The following ERICH1 variants were observed in gnomAD, a reference collection of about 807,000 sequenced individuals.
ERICH1 encodes the protein glutamate-rich protein 1.
Under a neutral mutation model 39.6 loss-of-function variants are expected in ERICH1, and 56 were observed. The observed-to-expected ratio is 1.41, with a 90% confidence interval of 1.14 to 1.77. ERICH1 has a LOEUF of 1.77. Among genes scored for constraint, ERICH1 ranks in the 40% most tolerant of loss-of-function variants. The probability of loss-of-function intolerance (pLI) is 0.00; values close to 1 mark genes in which losing one functional copy is unlikely to be tolerated. For synonymous variants in ERICH1, 313 were observed against 223.6 expected (o/e 1.40, Z -3.57); for missense variants, 826 against 575.4 (o/e 1.44, Z -4.45).
chr8:696,584 C>T (rs1390773167), intron 2 of ERICH1, among the ~76,000 whole-genome samples: 2 of 65,722 alleles, frequency 3.0e-5, no homozygotes, highest in Admixed American at 1.8e-4. Context: ...TGTACTCGCT[C>T]CTCTTACCCT....
intron 3 of ERICH1, among the ~76,000 whole-genome samples, chr8:691,592 T>G (rs1238564094): frequency 6.6e-6 from 1 of 152,236 alleles, no homozygotes; most frequent in Admixed American, 6.5e-5. Flanking sequence ...GAACGCACAT[T>G]TTCTAGTTAA....
intron 1 of ERICH1, among the ~76,000 whole-genome samples, chr8:717,749 G>T (rs115473729): frequency 6.6e-6 from 1 of 152,216 alleles, no homozygotes; most frequent in Non-Finnish European, 1.5e-5. Flanking sequence ...GGCTGAAGTC[G>T]CCTCCCCAGG....
intron 3 of ERICH1, among the ~76,000 whole-genome samples, chr8:685,768 T>G (rs1333619623): frequency 6.6e-6 from 1 of 152,212 alleles, no homozygotes; most frequent in African/African-American, 2.4e-5. Context: ...TTCAAGAGTC[T>G]TTCTTCATTA....
chr8:690,569 G>A (rs1484359036), intron 3 of ERICH1, among the ~76,000 whole-genome samples: 1 of 152,266 alleles, frequency 6.6e-6, no homozygotes, highest in Non-Finnish European at 1.5e-5. Flanking sequence ...CCAAGTCTCA[G>A]AGGCCGGGCA....
chr8:688,859 A>G (rs1158227003), intron 3 of ERICH1, among the ~76,000 whole-genome samples: 2 of 152,250 alleles, frequency 1.3e-5, no homozygotes, highest in Admixed American at 1.3e-4. Context: ...CATAAGAACA[A>G]AATATTTTTC....
At chr8:681,848 A>C (rs1250834338) in intron 3 of ERICH1, among the ~76,000 whole-genome samples, 2 of 152,036 alleles carry the variant, frequency 1.3e-5, no homozygotes, top group African/African-American at 4.8e-5. Context: ...TTCCCTGCAA[A>C]ATCCAGTCTC....
rs761083256 is a variant in ERICH1 at position 692,564 on chromosome 8, C to T, written c.218G>A (p.Gly73Glu). The T allele has an allele frequency of 6.2e-7, 1 of 1,613,596 alleles. No individual in the cohort carries two copies. Among genetic ancestry groups the T allele is most frequent in the Non-Finnish European group, 8.5e-7 (1 of 1,179,798 alleles). ...ACAGGGGACGTAGCCCTCAGGAGGC[C>T]CGCTGGCAGTGTAGAGCCGTCGGGC... ...PTARRLYTAS[G>E]PPEGYVPCWP... is the part of the protein sequence containing the mutation. The change falls in exon 3 of 6, where the codon GGG (glycine) becomes GAG (glutamate). Residue 73 changes from glycine (G) to glutamate (E), a missense_variant. Gly to Glu is a moderately conservative substitution (Grantham distance 98). Transcript: ENST00000262109.
chr8:622,760 C>T (rs1017368469), intron 3 of ERICH1, among the ~76,000 whole-genome samples: 2 of 151,896 alleles, frequency 1.3e-5, no homozygotes, highest in Non-Finnish European at 2.9e-5. Flanking sequence ...TCAGACCAGC[C>T]TTGGCAACAT....
chr8:637,280 C>T (rs758496036), intron 3 of ERICH1, among the ~76,000 whole-genome samples: 2 of 152,240 alleles, frequency 1.3e-5, no homozygotes, highest in Non-Finnish European at 2.9e-5. Context: ...TTCCTAGCTG[C>T]TTCCCAGAGC....
chr8:631,174 T>C (rs943026981), intron 3 of ERICH1, among the ~76,000 whole-genome samples: 2 of 152,262 alleles, frequency 1.3e-5, no homozygotes, highest in Non-Finnish European at 2.9e-5. Context: ...GGACATGGCC[T>C]GAAGCTTGGC....
At chr8:617,263 T>C (rs1031858153) in intron 3 of ERICH1, among the ~76,000 whole-genome samples, 1 of 152,090 alleles carries the variant, frequency 6.6e-6, no homozygotes, top group East Asian at 1.9e-4. Context: ...TGGGAGCGTG[T>C]TCTAAGTCAG....
exon 4 of ERICH1, chr8:615,053 A>C (rs1215277274): frequency 4.2e-6 from 2 of 475,928 alleles, no homozygotes; most frequent in Non-Finnish European, 7.4e-6. Context: ...CGCTCCCAGC[A>C]GCCCTGTACC....
chr8:692,636 A>T (rs1410179643), intron 2 of ERICH1, 24 bp from the exon 3 acceptor site: 1 of 1,553,200 alleles, frequency 6.4e-7, no homozygotes, highest in African/African-American at 1.4e-5. Flanking sequence ...GGAAAATAAC[A>T]GGAACTGGTA....
chr8:727,460 C>CAA (rs1819039544), intron 1 of ERICH1, among the ~76,000 whole-genome samples: 1 of 152,210 alleles, frequency 6.6e-6, no homozygotes, highest in Non-Finnish European at 1.5e-5. Context: ...CTGCTCACAG[C>CAA]AAGGCACTGG....
chr8:671,458 T>G (rs75125939), intron 4 of ERICH1, among the ~76,000 whole-genome samples: 10 of 116,852 alleles, frequency 8.6e-5, no homozygotes, highest in East Asian at 2.6e-4. Flanking sequence ...TGCTCACTGG[T>G]CCCCAGGCTC....
At chr8:624,416 C>G (rs1375663076) in intron 3 of ERICH1, among the ~76,000 whole-genome samples, 1 of 152,252 alleles carries the variant, frequency 6.6e-6, no homozygotes, top group Non-Finnish European at 1.5e-5. Context: ...CTCCTAGGCA[C>G]AGACCCAAGA....
At chr8:712,959 G>C (rs1815097554) in intron 2 of ERICH1, among the ~76,000 whole-genome samples, 1 of 152,204 alleles carries the variant, frequency 6.6e-6, no homozygotes, top group Non-Finnish European at 1.5e-5. Context: ...CCACTACAAA[G>C]CCCCACAGAC....
intron 2 of ERICH1, among the ~76,000 whole-genome samples, chr8:711,751 C>T (rs1814789791): frequency 6.6e-6 from 1 of 152,178 alleles, no homozygotes; most frequent in Admixed American, 6.5e-5. Flanking sequence ...CCCATCTTGG[C>T]CTCCCAAAGT....
chr8:666,733 G>C (rs1265151072), intron 5 of ERICH1: 1 of 152,326 alleles, frequency 6.6e-6, no homozygotes, highest in African/African-American at 2.4e-5. Context: ...CCAGCACTGC[G>C]CTCTGGGCAG....
Sources: gnomAD v4.1 joint callset for allele counts (sites outside exome capture counted in the v4.1 genomes callset) on GRCh38, gnomAD v4.1.1 for gene constraint, MANE v1.5 for transcripts, NCBI Gene and HGNC (gene_info 2026-07-23, HGNC 2026-07-21) for gene names.